Variants in ECM2 observed in about 807,000 individuals in gnomAD.
ECM2 encodes the protein extracellular matrix protein 2, female organ and adipocyte specific.
ECM2 carries 57 observed loss-of-function variants against 67.5 expected under a neutral mutation model. The observed-to-expected ratio is 0.84, with a 90% CI of 0.68 to 1.05. ECM2 has a LOEUF of 1.05. ECM2 is among the 50% of genes least tolerant of loss of function. The pLI is 0.00. For synonymous variants in ECM2, 258 were observed against 294.5 expected (o/e 0.88, Z 1.27); for missense variants, 741 against 822.8 (o/e 0.90, Z 1.22).
chr9:92,526,360 A>G (rs1848411587), intron 1 of ECM2, among the ~76,000 whole-genome samples: 2 of 152,206 alleles, frequency 1.3e-5, no homozygotes, highest in South Asian at 4.1e-4. Flanking sequence ...TTAAGAAGGA[A>G]TTTTTTTAAA....
intron 1 of ECM2, among the ~76,000 whole-genome samples, chr9:92,529,486 C>T (rs763019071): frequency 2.0e-5 from 3 of 152,136 alleles, no homozygotes; most frequent in Non-Finnish European, 2.9e-5. Flanking sequence ...AAATCTATGT[C>T]CACACAAAAA....
chr9:92,495,900 CT>C lies in ECM2; in HGVS notation c.*414del. On this transcript the variant is annotated 3_prime_UTR_variant, in exon 10 of 10. Coordinates refer to ENST00000344604, the MANE Select transcript of ECM2 (RefSeq NM_001393.4). Reference sequence around the variant, plus strand: ...AACAACACTTATTCATAAATTCTGCCTGCTTTTTTTGTTGTCATTATGCTTC... The same window carrying C: ...AACAACACTTATTCATAAATTCTGCCGCTTTTTTTGTTGTCATTATGCTTC... 1.0e-6 allele frequency: 1 copy of C among 984,286 alleles called. No individual in the cohort carries two copies. Among genetic ancestry groups the C allele is most frequent in the African/African-American group, 1.7e-5 (1 of 57,276 alleles). 61.0% of individuals were successfully genotyped at this position (984,286 alleles called of 1,614,324 possible).
At position 92,496,397 on chromosome 9, in the gene ECM2, T is replaced by A. The variant is rs751356646; in HGVS notation, c.2018A>T (p.Lys673Ile). 2.5e-6 allele frequency: 4 copies of A among 1,610,778 alleles called. No homozygotes were observed. In the South Asian group the frequency reaches 4.4e-5, roughly 18 times the overall value. The change falls in exon 10 of 10, where the codon AAA becomes ATA. Residue 673 changes from lysine (K) to isoleucine (I), a missense_variant. Coordinates refer to ENST00000344604, the MANE Select transcript of ECM2 (RefSeq NM_001393.4). ...EHLHLENNYI[K>I]IREIPSYTFS... is the part of the protein sequence containing the mutation. The stretch of plus-strand genomic sequence containing the variant: ...TGTGTAAGATGGTATTTCTCTAATT[T>A]TAATATAATTGTTTTCAAGATGAAG...
chr9:92,506,198 C>T (rs1846999535), intron 6 of ECM2, among the ~76,000 whole-genome samples: 1 of 152,210 alleles, frequency 6.6e-6, no homozygotes, highest in Non-Finnish European at 1.5e-5. Context: ...CAGAAAAGAA[C>T]ACTTTCCCTG....
chr9:92,547,687 G>C, the ECM2 span, among the ~76,000 whole-genome samples: 1 of 152,306 alleles, frequency 6.6e-6, no homozygotes, highest in South Asian at 2.1e-4. Context: ...CTGTTAATGG[G>C]TACAGGGTTT....
the ECM2 span, among the ~76,000 whole-genome samples, chr9:92,556,492 T>G: frequency 6.6e-6 from 1 of 152,202 alleles, no homozygotes; most frequent in Admixed American, 6.5e-5. Context: ...TATTAATAAT[T>G]GTTTTATAAA....
the ECM2 span, among the ~76,000 whole-genome samples, chr9:92,556,456 T>A: frequency 6.6e-6 from 1 of 152,286 alleles, no homozygotes; most frequent in South Asian, 2.1e-4. Context: ...TATTATTGTG[T>A]TGCTGTCTGT....
intron 7 of ECM2, 53 bp downstream of exon 7, chr9:92,505,480 G>A: frequency 2.1e-6 from 3 of 1,417,144 alleles, no homozygotes; most frequent in African/African-American, 2.9e-5. Flanking sequence ...TTGTTGTAGT[G>A]TACCATATTT....
intron 2 of ECM2, among the ~76,000 whole-genome samples, chr9:92,518,577 CATACT>C (rs1398003091): frequency 3.9e-5 from 6 of 152,300 alleles, no homozygotes; most frequent in African/African-American, 1.2e-4. Context: ...ATATGATTCA[CATACT>C]ATAATATTCA....
the ECM2 span, among the ~76,000 whole-genome samples, chr9:92,550,803 A>T: frequency 4.9e-4 from 75 of 152,170 alleles, no homozygotes; most frequent in Non-Finnish European, 9.0e-4. Flanking sequence ...GCCAGGTTCC[A>T]ATTTAGAATC....
chr9:92,542,346 C>T, the ECM2 span, among the ~76,000 whole-genome samples: 1 of 152,062 alleles, frequency 6.6e-6, no homozygotes, highest in East Asian at 1.9e-4. Flanking sequence ...TGTATGTTGT[C>T]CCTTAACTCT....
At chr9:92,515,557 C>G (rs904125740) in intron 3 of ECM2, among the ~76,000 whole-genome samples, 4 of 152,178 alleles carry the variant, frequency 2.6e-5, no homozygotes, top group African/African-American at 9.7e-5. Context: ...GTGTTATAAT[C>G]AGTTGTGATA....
intron 1 of ECM2, 31 bp from the exon 2 acceptor site, chr9:92,522,924 G>A: frequency 1.3e-6 from 2 of 1,515,956 alleles, no homozygotes; most frequent in Admixed American, 4.4e-5. Flanking sequence ...AAAGTTAGTG[G>A]TGACTAAATT....
intron 1 of ECM2, among the ~76,000 whole-genome samples, chr9:92,532,247 A>AT (rs991052303): frequency 3.3e-5 from 5 of 150,596 alleles, no homozygotes; most frequent in African/African-American, 7.3e-5. Context: ...TTTAAAAGTA[A>AT]TTTTTTTTCT....
At chr9:92,527,456 C>T (rs1421798473) in intron 1 of ECM2, among the ~76,000 whole-genome samples, 4 of 152,136 alleles carry the variant, frequency 2.6e-5, no homozygotes, top group Non-Finnish European at 1.5e-5. Context: ...CATCTAGGTT[C>T]GTGTAAGTAC....
Position 92,496,232 on chromosome 9 carries a change from G to C in ECM2, c.*83C>G. On this transcript the variant is annotated 3_prime_UTR_variant, in exon 10 of 10. Transcript: ENST00000344604. ...ATAATGATACTGAGTATAACAGGAGGATTATGTCTCTCTTATTAATGACAA... is the reference window on the plus strand; with the variant it reads ...ATAATGATACTGAGTATAACAGGAGCATTATGTCTCTCTTATTAATGACAA... 6.7e-7 allele frequency: 1 copy of C among 1,495,580 alleles called. No individual in the cohort carries two copies. Among genetic ancestry groups the C allele is most frequent in the Non-Finnish European group, 8.8e-7 (1 of 1,134,264 alleles). The allele number at this position is 1,495,580 out of a possible 1,614,324, so 92.6% of individuals were successfully genotyped here.
chr9:92,537,831 T>C (rs928557288), upstream of ECM2, among the ~76,000 whole-genome samples: 3 of 152,334 alleles, frequency 2.0e-5, no homozygotes, highest in Admixed American at 2.0e-4. Context: ...ATTTTTTCAC[T>C]ACCATAGTGA....
At position 92,516,448 on chromosome 9, in the gene ECM2, C is replaced by T. The variant is rs893688784; in HGVS notation, c.481+1239G>A. 6.6e-5 allele frequency among the ~76,000 whole-genome samples: 10 copies of T among 152,190 alleles called. No individual in the cohort carries two copies. The South Asian group carries it at 1.5e-3, about 22-fold the overall frequency. On this transcript the variant is annotated intron_variant, in intron 3 of 9. Transcript: ENST00000344604. ...TATTTAACACTATATATAAACTACT[C>T]CCAAAAAGAACTCAGGAAATATAAT...
At chr9:92,530,967 C>T (rs1044634881) in intron 1 of ECM2, among the ~76,000 whole-genome samples, 5 of 152,002 alleles carry the variant, frequency 3.3e-5, no homozygotes, top group African/African-American at 1.2e-4. Context: ...CATGTAATTG[C>T]TTTCTTTTGA....
Sources: gnomAD v4.1 joint callset for allele counts (sites outside exome capture counted in the v4.1 genomes callset) on GRCh38, gnomAD v4.1.1 for gene constraint, MANE v1.5 for transcripts, NCBI Gene and HGNC (gene_info 2026-07-23, HGNC 2026-07-21) for gene names.